Variants in RPH3A observed in about 807,000 individuals in gnomAD.
The protein encoded by RPH3A is rabphilin-3A.
RPH3A carries 48 observed loss-of-function variants against 102.2 expected under a neutral mutation model. The ratio of observed to expected loss-of-function variants is 0.47; its 90% CI spans 0.37 to 0.60. RPH3A has a LOEUF of 0.60. Among genes scored for constraint, RPH3A ranks in the 20% least tolerant of loss-of-function variants. The probability of loss-of-function intolerance (pLI) is 0.00; values close to 1 mark genes in which losing one functional copy is unlikely to be tolerated. For synonymous variants in RPH3A, 310 were observed against 324.3 expected (o/e 0.96, Z 0.47); for missense variants, 781 against 910.1 (o/e 0.86, Z 1.83).
intron 16 of RPH3A, among the ~76,000 whole-genome samples, chr12:112,883,950 A>T (rs1387127281): frequency 6.6e-6 from 1 of 152,184 alleles, no homozygotes; most frequent in African/African-American, 2.4e-5. Context: ...TATTACAAAT[A>T]GTGCTGCTAG....
intron 1 of RPH3A, among the ~76,000 whole-genome samples, chr12:112,616,964 T>C (rs1164535565): frequency 6.6e-6 from 1 of 152,230 alleles, no homozygotes; most frequent in Non-Finnish European, 1.5e-5. Flanking sequence ...GCATTTGTAA[T>C]GCAGATTTTG....
intron 1 of RPH3A, among the ~76,000 whole-genome samples, chr12:112,584,732 G>A (rs1374906402): frequency 1.3e-5 from 2 of 152,102 alleles, no homozygotes; most frequent in African/African-American, 2.4e-5. Flanking sequence ...GGCTTTCCCC[G>A]GAAGGAATGA....
intron 1 of RPH3A, among the ~76,000 whole-genome samples, chr12:112,632,884 G>A (rs1180005662): frequency 1.3e-5 from 2 of 152,124 alleles, no homozygotes; most frequent in Admixed American, 6.5e-5. Flanking sequence ...ATAGTAAGGA[G>A]CTTATGTACA....
intron 4 of RPH3A, among the ~76,000 whole-genome samples, chr12:112,837,533 GC>G (rs1705160900): frequency 6.6e-6 from 1 of 152,040 alleles, no homozygotes; most frequent in African/African-American, 2.4e-5. Context: ...TCTTCTCCCT[GC>G]CCTGTGCCTC....
At chr12:112,830,244 T>C (rs1180600796) in intron 3 of RPH3A, among the ~76,000 whole-genome samples, 1 of 152,188 alleles carries the variant, frequency 6.6e-6, no homozygotes, top group African/African-American at 2.4e-5. Flanking sequence ...GTTTCTCATT[T>C]CTATGTATTT....
chr12:112,802,132 T>C (rs2041366314), intron 2 of RPH3A, among the ~76,000 whole-genome samples: 1 of 152,224 alleles, frequency 6.6e-6, no homozygotes. Context: ...TAACAGAGAT[T>C]TAATGATTGT....
chr12:112,729,861 C>A (rs745447352), intron 1 of RPH3A, among the ~76,000 whole-genome samples: 1 of 152,206 alleles, frequency 6.6e-6, no homozygotes, highest in Non-Finnish European at 1.5e-5. Flanking sequence ...CAAGTCCTAA[C>A]CCCTAATACC....
chr12:112,808,253 G>A (rs570156914), intron 2 of RPH3A, among the ~76,000 whole-genome samples: 10 of 152,340 alleles, frequency 6.6e-5, no homozygotes, highest in African/African-American at 2.4e-4. Flanking sequence ...GGAGAAGAAC[G>A]TGAAGGTCTT....
At chr12:112,828,272 G>A (rs752315590) in intron 2 of RPH3A, 29 bp from the exon 3 acceptor site, 1 of 1,477,562 alleles carries the variant, frequency 6.8e-7, no homozygotes, top group Non-Finnish European at 9.5e-7. Context: ...ATGATGGGGT[G>A]ATGTCCTCTC....
intron 1 of RPH3A, among the ~76,000 whole-genome samples, chr12:112,757,172 T>C (rs955577685): frequency 5.9e-5 from 9 of 152,266 alleles, no homozygotes; most frequent in African/African-American, 1.7e-4. Context: ...CTGAATACTA[T>C]GGTTCAACGT....
chr12:112,732,684 G>A (rs1035381830), intron 1 of RPH3A, among the ~76,000 whole-genome samples: 2 of 152,204 alleles, frequency 1.3e-5, no homozygotes, highest in South Asian at 2.1e-4. Flanking sequence ...CAGAGCCCTG[G>A]AGCTAGAATG....
chr12:112,683,317 C>A (rs2040239784), intron 1 of RPH3A, among the ~76,000 whole-genome samples: 1 of 152,138 alleles, frequency 6.6e-6, no homozygotes, highest in Non-Finnish European at 1.5e-5. Context: ...AAACATCTAT[C>A]CTTCTACTCT....
At chr12:112,712,916 T>TTCC (rs1412317320) in intron 1 of RPH3A, among the ~76,000 whole-genome samples, 38 of 102,276 alleles carry the variant, frequency 3.7e-4, no homozygotes, top group African/African-American at 1.5e-3. Flanking sequence ...CTTCTTCTTC[T>TTCC]TCTTCTTCCT....
rs1207025644 is a variant in RPH3A at position 112,712,919 on chromosome 12, TTCTTCC to T, written c.-139-79218_-139-79213del. On this transcript the variant is annotated intron_variant, in intron 1 of 21. Transcript: ENST00000543106. ...CTTCTTCTTCCTCTTCTTCTTCTTC[TTCTTCC>T]TCTTCTTCTTCTTCTTCTTCTTCTT... 6.8e-3 allele frequency among the ~76,000 whole-genome samples: 707 copies of T among 104,202 alleles called. 27 individuals carry two copies. Among genetic ancestry groups the T allele is most frequent in the African/African-American group, 0.02 (476 of 23,730 alleles). 68.4% of individuals were successfully genotyped at this position (104,202 alleles called of 152,430 possible).
At chr12:112,774,063 C>CCAAAAAAAAAAAAAAA (rs1555207785) in intron 1 of RPH3A, among the ~76,000 whole-genome samples, 1 of 108,462 alleles carries the variant, frequency 9.2e-6, no homozygotes, top group Non-Finnish European at 1.8e-5. Context: ...CCAGCCTGGG[C>CCAAAAAAAAAAAAAAA]AAAAAAAAAA....
At chr12:112,713,062 T>TCC (rs2040488982) in intron 1 of RPH3A, among the ~76,000 whole-genome samples, 1 of 116,392 alleles carries the variant, frequency 8.6e-6, no homozygotes, top group Non-Finnish European at 1.9e-5. Flanking sequence ...CTTCTTCTTC[T>TCC]TCTTCTTCTT....
intron 1 of RPH3A, among the ~76,000 whole-genome samples, chr12:112,631,279 T>G (rs2039802425): frequency 6.6e-6 from 1 of 151,972 alleles, no homozygotes; most frequent in Admixed American, 6.6e-5. Flanking sequence ...GATTTCACAG[T>G]GAAATGGAGG....
chr12:112,716,618 A>G (rs1340523991), intron 1 of RPH3A, among the ~76,000 whole-genome samples: 4 of 152,202 alleles, frequency 2.6e-5, no homozygotes, highest in Admixed American at 2.6e-4. Context: ...GGAAGGGCAC[A>G]TCTCACTTTC....
intron 1 of RPH3A, among the ~76,000 whole-genome samples, chr12:112,638,171 G>A (rs2039861160): frequency 6.6e-6 from 1 of 152,024 alleles, no homozygotes; most frequent in South Asian, 2.1e-4. Flanking sequence ...ACCCTTTCTT[G>A]CTTCCTCTCT....
Sources: gnomAD v4.1 joint callset for allele counts (sites outside exome capture counted in the v4.1 genomes callset) on GRCh38, gnomAD v4.1.1 for gene constraint, MANE v1.5 for transcripts, NCBI Gene and HGNC (gene_info 2026-07-23, HGNC 2026-07-21) for gene names.